Variants in FBLN2 observed in about 807,000 individuals in gnomAD.
FBLN2 encodes the protein fibulin-2.
FBLN2 carries 81 observed loss-of-function variants against 123.7 expected under a neutral mutation model. That is an observed-to-expected ratio of 0.65 (90% CI 0.55 to 0.79). The LOEUF (loss-of-function observed/expected upper bound fraction) is 0.79. Among genes scored for constraint, FBLN2 ranks in the 30% least tolerant of loss-of-function variants. FBLN2 has a pLI of 0.00. For missense variants in FBLN2, 1,603 were observed against 1,681.3 expected, an observed-to-expected ratio of 0.95 and a Z score of 0.81; for synonymous variants, 699 against 701.4, an observed-to-expected ratio of 1.00 and a Z score of 0.05.
At chr3:13,574,098 G>A (rs551491084) in intron 2 of FBLN2, among the ~76,000 whole-genome samples, 3 of 152,256 alleles carry the variant, frequency 2.0e-5, no homozygotes, top group East Asian at 1.9e-4. Flanking sequence ...CGCCGAGCAC[G>A]GTGCCTAACA....
At chr3:13,609,771 C>A in intron 4 of FBLN2, 129 bp downstream of exon 4, 1 of 1,064,168 alleles carries the variant, frequency 9.4e-7, no homozygotes, top group Non-Finnish European at 1.4e-6. Context: ...GTGACCCTCA[C>A]GCCTGGGGTG....
chr3:13,580,434 G>A (rs1215100791), intron 2 of FBLN2, among the ~76,000 whole-genome samples: 2 of 152,194 alleles, frequency 1.3e-5, no homozygotes, highest in African/African-American at 2.4e-5. Flanking sequence ...GGGAGACAGG[G>A]TGAGCAAAAC....
At chr3:13,579,246 T>C (rs1402909650) in intron 2 of FBLN2, among the ~76,000 whole-genome samples, 1 of 152,206 alleles carries the variant, frequency 6.6e-6, no homozygotes, top group Non-Finnish European at 1.5e-5. Flanking sequence ...GAGCATGTGT[T>C]CATGAGATTG....
intron 2 of FBLN2, among the ~76,000 whole-genome samples, chr3:13,573,029 C>T (rs1333147439): frequency 1.3e-5 from 2 of 152,154 alleles, no homozygotes; most frequent in Non-Finnish European, 2.9e-5. Context: ...GGTGGATAAC[C>T]CTGTGCTGCC....
chr3:13,627,735 G>T, intron 10 of FBLN2, 97 bp from the exon 11 acceptor site: 3 of 1,412,794 alleles, frequency 2.1e-6, no homozygotes, highest in Non-Finnish European at 2.8e-6. Flanking sequence ...TGGCCATCAG[G>T]GTCATGGGTC....
At position 13,571,264 on chromosome 3, in the gene FBLN2, G is replaced by T; in HGVS notation, c.909G>T (p.Gly303=). The T allele has an allele frequency of 2.6e-6, 4 of 1,568,584 alleles. No individual in the cohort carries two copies. The highest frequency in any genetic ancestry group is 3.8e-5 in the Admixed American group (2 of 52,302). The change falls in exon 2 of 18, where the codon GGG becomes GGT. Residue 303 remains glycine (G), a synonymous_variant. Transcript: ENST00000404922. ...TEQLAAGGHR[G]LDGLPTTAPA... Reference sequence around the variant, plus strand: ...AGCTGGCAGCAGGTGGCCACAGGGGGCTGGATGGGCTGCCCACTACAGCCC... The same window carrying T: ...AGCTGGCAGCAGGTGGCCACAGGGGTCTGGATGGGCTGCCCACTACAGCCC...
At chr3:13,565,875 C>T (rs1210277490) in intron 1 of FBLN2, among the ~76,000 whole-genome samples, 3 of 152,250 alleles carry the variant, frequency 2.0e-5, no homozygotes, top group Admixed American at 6.5e-5. Context: ...GCTGAATTCT[C>T]ACATGGGTAC....
intron 16 of FBLN2, 69 bp from the exon 17 acceptor site, chr3:13,636,376 C>A: frequency 1.9e-6 from 3 of 1,576,382 alleles, no homozygotes; most frequent in East Asian, 2.3e-5. Flanking sequence ...GCCTTTCATG[C>A]AGGCTGGGGA....
At chr3:13,634,884 G>A (rs1420642852) in intron 16 of FBLN2, among the ~76,000 whole-genome samples, 1 of 152,260 alleles carries the variant, frequency 6.6e-6, no homozygotes, top group Non-Finnish European at 1.5e-5. Flanking sequence ...TGGGGTTGGC[G>A]TGGGTGCAGA....
At chr3:13,619,994 C>T (rs1411387541) in intron 8 of FBLN2, among the ~76,000 whole-genome samples, 163 bp downstream of exon 8, 2 of 152,120 alleles carry the variant, frequency 1.3e-5, no homozygotes, top group African/African-American at 2.4e-5. Flanking sequence ...AACAGTCACT[C>T]CCTCTCACCG....
At chr3:13,631,129 C>T (rs1037769532) in intron 15 of FBLN2, among the ~76,000 whole-genome samples, 200 bp from the exon 16 acceptor site, 1 of 152,186 alleles carries the variant, frequency 6.6e-6, no homozygotes, top group African/African-American at 2.4e-5. Context: ...ACGGAGCAGC[C>T]CTAGGGCATA....
chr3:13,609,010 C>A (rs1705298800), intron 3 of FBLN2, among the ~76,000 whole-genome samples: 1 of 152,374 alleles, frequency 6.6e-6, no homozygotes, highest in Middle Eastern at 3.4e-3. Flanking sequence ...CTAGTGCATG[C>A]TTGCATCCGT....
chr3:13,614,675 TACCCAC>T (rs1705528597), intron 5 of FBLN2, among the ~76,000 whole-genome samples: 1 of 57,838 alleles, frequency 1.7e-5, no homozygotes, highest in Non-Finnish European at 3.6e-5. Context: ...TCCATCCACC[TACCCAC>T]CCATCCACCC....
chr3:13,598,213 T>A (rs3773274), intron 2 of FBLN2, among the ~76,000 whole-genome samples: 90,764 of 152,128 alleles, frequency 0.6, 28,572 homozygotes, highest in African/African-American at 0.81. Flanking sequence ...CAAGCGTCTT[T>A]TATGTGCCAG....
intron 5 of FBLN2, among the ~76,000 whole-genome samples, chr3:13,615,648 T>C (rs566516640): frequency 6.6e-6 from 1 of 152,366 alleles, no homozygotes; most frequent in Admixed American, 6.5e-5. Flanking sequence ...CAAGGGCTTT[T>C]GGCAGTGCCT....
At chr3:13,580,135 C>T (rs1046806219) in intron 2 of FBLN2, among the ~76,000 whole-genome samples, 2 of 152,176 alleles carry the variant, frequency 1.3e-5, no homozygotes, top group African/African-American at 4.8e-5. Flanking sequence ...CGGCTGGGGG[C>T]ATTGGGGTTG....
chr3:13,621,783 G>A lies in FBLN2; in HGVS notation c.2164G>A (p.Glu722Lys). Reference protein sequence around the residue: ...ADGVSCEDQDECLMGAHDCSR... With the variant: ...ADGVSCEDQDKCLMGAHDCSR... ...CCTGCGGCTGCCACTAGACCAAGAC[G>A]AGTGCCTGATGGGTGCTCACGATTG... Residue 722 changes from glutamate to lysine, a missense_variant, in exon 9 of 18, where the codon GAG becomes AAG. Transcript: ENST00000404922. 2 of 1,613,984 alleles carry A rather than the reference G, an allele frequency of 1.2e-6. No homozygotes were observed. Among genetic ancestry groups the A allele is most frequent in the South Asian group, 1.1e-5 (1 of 91,072 alleles).
At chr3:13,595,754 T>C (rs1342901224) in intron 2 of FBLN2, among the ~76,000 whole-genome samples, 1 of 152,206 alleles carries the variant, frequency 6.6e-6, no homozygotes, top group African/African-American at 2.4e-5. Context: ...GCTAGAGCGG[T>C]CATGACCTCT....
At chr3:13,558,269 C>T (rs1703513291) in intron 1 of FBLN2, among the ~76,000 whole-genome samples, 1 of 152,058 alleles carries the variant, frequency 6.6e-6, no homozygotes, top group South Asian at 2.1e-4. Context: ...GTCTGTGCTT[C>T]TCTCCATCTC....
Sources: allele counts gnomAD v4.1 joint callset (sites outside exome capture counted in the v4.1 genomes callset), GRCh38; gene constraint gnomAD v4.1.1; transcripts MANE v1.5; gene names NCBI Gene and HGNC (gene_info 2026-07-23, HGNC 2026-07-21).